SUPT20H: variants seen among roughly 807,000 people sequenced by gnomAD.
SUPT20H encodes the protein transcription factor SPT20 homolog.
Under a neutral mutation model 122.8 loss-of-function variants are expected in SUPT20H, and 82 were observed. The observed-to-expected ratio is 0.67, with a 90% confidence interval of 0.56 to 0.80. The LOEUF (loss-of-function observed/expected upper bound fraction) is 0.80, where lower values mean the gene tolerates loss of function less well. Among genes scored for constraint, SUPT20H ranks in the 30% least tolerant of loss-of-function variants. The pLI, the probability that SUPT20H is intolerant of heterozygous loss-of-function variation, is 0.00. For synonymous variants in SUPT20H, 291 were observed against 313.0 expected (o/e 0.93, Z 0.74); for missense variants, 831 against 921.6 (o/e 0.90, Z 1.27).
At chr13:37,032,172 G>A (rs552782649) in intron 10 of SUPT20H, among the ~76,000 whole-genome samples, 5 of 152,090 alleles carry the variant, frequency 3.3e-5, no homozygotes, top group African/African-American at 4.8e-5. Context: ...GAAGCAGTAA[G>A]AGAAGCAAAA....
intron 1 of SUPT20H, 23 bp from the exon 2 acceptor site, chr13:37,051,606 C>A: frequency 1.3e-6 from 1 of 786,438 alleles, no homozygotes; most frequent in Non-Finnish European, 2.0e-6. Context: ...AACAATAAAA[C>A]CCCAATATTA....
Position 37,022,399 on chromosome 13 carries a change from A to T in SUPT20H, c.1592-319T>A, listed in dbSNP as rs1208640479. ...AAATAAGGTTAATGGAATCTTACTT[A>T]GCACTGACAATTTGTTCTAGTTTTT... On this transcript the variant is annotated intron_variant, in intron 19 of 25. Coordinates refer to ENST00000350612, the MANE Select transcript of SUPT20H (RefSeq NM_001014286.3). This position sits in a 1 kb window ranked among gnomAD's most constrained non-coding sequence, Gnocchi z 4.5. 1 of 1,309,814 alleles carries T rather than the reference A, an allele frequency of 7.6e-7. No homozygotes were observed. The highest frequency in any genetic ancestry group is 2.8e-5 in the East Asian group (1 of 35,312). 81.1% of individuals were successfully genotyped at this position (1,309,814 alleles called of 1,614,324 possible).
At chr13:37,036,352 G>A (rs1430611435) in intron 9 of SUPT20H, among the ~76,000 whole-genome samples, 8 of 150,222 alleles carry the variant, frequency 5.3e-5, no homozygotes, top group Non-Finnish European at 1.2e-4. Flanking sequence ...TTGAGACGGA[G>A]TCTTGCTCTG....
chr13:37,055,564 A>T (rs1159763732), intron 1 of SUPT20H, among the ~76,000 whole-genome samples: 2 of 152,232 alleles, frequency 1.3e-5, no homozygotes, highest in African/African-American at 4.8e-5. Flanking sequence ...GGCTAGCCAT[A>T]TGTAGAAAGC....
chr13:37,030,924 T>A (rs2063185636), intron 12 of SUPT20H, among the ~76,000 whole-genome samples: 1 of 152,092 alleles, frequency 6.6e-6, no homozygotes. Context: ...GTAAGAATAA[T>A]GCATGTGCTA....
intron 1 of SUPT20H, among the ~76,000 whole-genome samples, chr13:37,058,159 C>A (rs916341031): frequency 6.6e-6 from 1 of 150,762 alleles, no homozygotes; most frequent in African/African-American, 2.4e-5. Context: ...CCAGCTACTC[C>A]GGAGGCTGAG....
At chr13:37,021,330 A>G in intron 21 of SUPT20H, 118 bp downstream of exon 21, 1 of 1,109,670 alleles carries the variant, frequency 9.0e-7, no homozygotes, top group Non-Finnish European at 1.2e-6. Flanking sequence ...AATATATGTG[A>G]TACAACACTT....
At chr13:37,014,223 C>A (rs993858323) in intron 23 of SUPT20H, among the ~76,000 whole-genome samples, 6 of 151,986 alleles carry the variant, frequency 3.9e-5, no homozygotes, top group African/African-American at 1.4e-4. Flanking sequence ...AAATAACAAT[C>A]CTAAATGTAT....
chr13:37,044,150 T>C lies in SUPT20H; in HGVS notation c.324A>G (p.Glu108=). The C allele has an allele frequency of 6.2e-7, 1 of 1,613,012 alleles. No individual in the cohort carries two copies. The highest frequency in any genetic ancestry group is 8.5e-7 in the Non-Finnish European group (1 of 1,179,460). The change falls in exon 7 of 26, where the codon GAA becomes GAG. Residue 108 remains glutamate (E), a synonymous_variant. Coordinates refer to ENST00000350612, the MANE Select transcript of SUPT20H (RefSeq NM_001014286.3). The stretch of plus-strand genomic sequence containing the variant: ...CATCCAAATATTCAAGCAACTCTCC[T>C]TCTTCATAGGGCAGTCGAATGGTCT... ...DSETIRLPYE[E]GELLEYLDAE...
chr13:37,011,180 T>G (rs900315624), intron 24 of SUPT20H, among the ~76,000 whole-genome samples: 3 of 152,166 alleles, frequency 2.0e-5, no homozygotes, highest in Non-Finnish European at 4.4e-5. Flanking sequence ...CAACACTCAT[T>G]TTACATATGG....
In SUPT20H at chr13:37,024,430, C is replaced by T. The variant is rs1394904582; in HGVS notation, c.1342G>A (p.Val448Met). Residue 448 changes from valine (V) to methionine (M), a missense_variant, in exon 18 of 26, where the codon GTG becomes ATG. By Grantham distance (21) the Val-to-Met change is conservative (BLOSUM62 1). Coordinates refer to ENST00000350612, the MANE Select transcript of SUPT20H (RefSeq NM_001014286.3). ...CCCAATACCGAAGACTGAACTGACACGGTTTCAGTTTGCTAAAAGACAATG... is the reference window on the plus strand; with the variant it reads ...CCCAATACCGAAGACTGAACTGACATGGTTTCAGTTTGCTAAAAGACAATG... ...PGKETDQTET[V>M]SVQSSVLGKG... 7 of 1,557,668 alleles carry T rather than the reference C, an allele frequency of 4.5e-6. No homozygotes were observed. The highest frequency in any genetic ancestry group is 1.7e-4 in the Middle Eastern group (1 of 5,818).
intron 2 of SUPT20H, 133 bp downstream of exon 2, chr13:37,051,355 A>C: frequency 1.2e-6 from 1 of 824,972 alleles, no homozygotes; most frequent in Middle Eastern, 3.7e-4. Context: ...GGGATTGCTA[A>C]GTAATTTCCC....
chr13:37,047,432 T>A, intron 5 of SUPT20H, 103 bp downstream of exon 5: 1 of 1,237,658 alleles, frequency 8.1e-7, no homozygotes, highest in Non-Finnish European at 1.1e-6. Flanking sequence ...AAAAAAGATG[T>A]TAGTTCACTC....
chr13:37,017,475 T>A (rs1334806960), intron 22 of SUPT20H, 111 bp from the exon 23 acceptor site: 3 of 1,134,944 alleles, frequency 2.6e-6, no homozygotes, highest in Non-Finnish European at 3.6e-6. Context: ...CTCTTCTAGT[T>A]ATTGAAGAAA....
At chr13:37,058,034 C>T (rs1295018218) in intron 1 of SUPT20H, among the ~76,000 whole-genome samples, 2 of 147,664 alleles carry the variant, frequency 1.4e-5, no homozygotes, top group African/African-American at 2.5e-5. Context: ...GAGGCAGAAG[C>T]GGGTGGGTCA....
At chr13:37,052,904 G>A (rs151061499) in intron 1 of SUPT20H, among the ~76,000 whole-genome samples, 6,623 of 152,136 alleles carry the variant, frequency 0.044, 246 homozygotes, top group African/African-American at 0.1. Context: ...ACATTTATGC[G>A]GCCAACATAT....
intron 21 of SUPT20H, among the ~76,000 whole-genome samples, chr13:37,019,796 C>T (rs2061182579): frequency 6.6e-6 from 1 of 152,092 alleles, no homozygotes; most frequent in Non-Finnish European, 1.5e-5. Flanking sequence ...CTATAATAAT[C>T]ATATCTCTAA....
intron 24 of SUPT20H, among the ~76,000 whole-genome samples, chr13:37,011,469 TAGTA>T (rs1307881165): frequency 6.6e-6 from 1 of 152,198 alleles, no homozygotes; most frequent in Non-Finnish European, 1.5e-5. Flanking sequence ...AAAGGCATCA[TAGTA>T]AGCCCACAGT....
rs376813808 is a variant in SUPT20H at position 37,012,311 on chromosome 13, T to C, written c.1993-14A>G. 1 of 1,597,466 alleles carries C rather than the reference T, an allele frequency of 6.3e-7. No homozygotes were observed. Among genetic ancestry groups the C allele is most frequent in the African/African-American group, 1.3e-5 (1 of 74,344 alleles). The stretch of plus-strand genomic sequence containing the variant: ...TTGCTCAGAACCCTGAATAAAAAAA[T>C]AATAAATGACTTGTACAAGAAAGAA... On this transcript the variant is annotated splice_polypyrimidine_tract_variant and intron_variant, in intron 23 of 25. Transcript: ENST00000350612.
Sources: allele counts gnomAD v4.1 joint callset (sites outside exome capture counted in the v4.1 genomes callset), GRCh38; gene constraint gnomAD v4.1.1; non-coding constraint Gnocchi (gnomAD v3.1); transcripts MANE v1.5; gene names NCBI Gene and HGNC (gene_info 2026-07-23, HGNC 2026-07-21).